Variants in ZBTB40 observed in about 807,000 individuals in gnomAD.
The protein encoded by ZBTB40 is zinc finger and BTB domain-containing protein 40.
Under a neutral mutation model 117.5 loss-of-function variants are expected in ZBTB40, and 60 were observed. The observed-to-expected ratio is 0.51, with a 90% CI of 0.41 to 0.63. The LOEUF is 0.63. Ranked by LOEUF, ZBTB40 falls within the 30% of genes least tolerant of loss-of-function variation. The probability of loss-of-function intolerance (pLI) is 0.00; values close to 1 mark genes in which losing one functional copy is unlikely to be tolerated. For synonymous variants in ZBTB40, 525 were observed against 577.1 expected, an observed-to-expected ratio of 0.91 and a Z score of 1.29; for missense variants, 1,287 against 1,498.5, an observed-to-expected ratio of 0.86 and a Z score of 2.33.
chr1:22,430,659 A>T (rs1439662507), intron 1 of ZBTB40, among the ~76,000 whole-genome samples: 5 of 147,908 alleles, frequency 3.4e-5, no homozygotes, highest in Admixed American at 6.8e-5. Flanking sequence ...TTTTGTAGAG[A>T]TAGGGTCTCA....
At position 22,527,034 on chromosome 1, in the gene ZBTB40, T is replaced by A. The variant is rs1052073462; in HGVS notation, c.*638T>A. Reference sequence around the variant, plus strand: ...CTCATTTCCATGCCTGATAACCCCTTGTCAGTTGTCAGCTCTTCCCAAAAC... The same window carrying A: ...CTCATTTCCATGCCTGATAACCCCTAGTCAGTTGTCAGCTCTTCCCAAAAC... On this transcript the variant is annotated 3_prime_UTR_variant, in exon 18 of 18. Coordinates refer to ENST00000375647, the MANE Select transcript of ZBTB40 (RefSeq NM_014870.4). The A allele has an allele frequency of 6.3e-6, 1 of 158,256 alleles. No individual in the cohort carries two copies. Among genetic ancestry groups the A allele is most frequent in the Non-Finnish European group, 1.4e-5 (1 of 71,426 alleles). The allele number at this position is 158,256 out of a possible 1,614,324, so 9.8% of individuals were successfully genotyped here.
chr1:22,522,314 T>C, intron 15 of ZBTB40, 63 bp from the exon 16 acceptor site: 3 of 1,549,842 alleles, frequency 1.9e-6, no homozygotes, highest in Non-Finnish European at 2.7e-6. Context: ...CCTGTTACTC[T>C]TCAGCCTTGG....
intron 1 of ZBTB40, among the ~76,000 whole-genome samples, chr1:22,443,115 C>T (rs577563668): frequency 6.6e-6 from 1 of 152,318 alleles, no homozygotes; most frequent in East Asian, 1.9e-4. Context: ...GTTACGTTCT[C>T]TCTCGAACAA....
At chr1:22,431,378 GTGTGTGTATATATA>G (rs1557468715) in intron 1 of ZBTB40, among the ~76,000 whole-genome samples, 4 of 17,324 alleles carry the variant, frequency 2.3e-4, no homozygotes, top group Non-Finnish European at 6.0e-4. Flanking sequence ...GTGTGTGTGT[GTGTGTGTATATATA>G]TATATATATA....
intron 1 of ZBTB40, among the ~76,000 whole-genome samples, chr1:22,458,048 A>T (rs1215001302): frequency 6.6e-6 from 1 of 152,198 alleles, no homozygotes; most frequent in East Asian, 1.9e-4. Context: ...TGGTGCCATG[A>T]TCTTCTCTTT....
intron 1 of ZBTB40, among the ~76,000 whole-genome samples, chr1:22,468,583 C>T (rs1393918005): frequency 2.1e-5 from 3 of 141,408 alleles, no homozygotes; most frequent in South Asian, 4.5e-4. Context: ...TCAAGTGATC[C>T]TCCTCCCTCA....
intron 1 of ZBTB40, among the ~76,000 whole-genome samples, chr1:22,469,681 T>A (rs1451552902): frequency 1.3e-5 from 2 of 152,110 alleles, no homozygotes; most frequent in African/African-American, 4.8e-5. Flanking sequence ...CTCAGCCTCC[T>A]GAGTAGCTAC....
rs1639691148 is a variant in ZBTB40 at position 22,526,786 on chromosome 1, G to A, written c.*390G>A. ...ACAGCGCTCAGTGGGCAGAATGGCAGTTAGATATGGGACTTGGCCCACAGT... is the reference window on the plus strand; with the variant it reads ...ACAGCGCTCAGTGGGCAGAATGGCAATTAGATATGGGACTTGGCCCACAGT... On this transcript the variant is annotated 3_prime_UTR_variant, in exon 18 of 18. Transcript: ENST00000375647. 1.6e-5 allele frequency: 5 copies of A among 316,084 alleles called. No individual in the cohort carries two copies. Among genetic ancestry groups the A allele is most frequent in the Middle Eastern group, 1.1e-3 (1 of 924 alleles). 19.6% of individuals were successfully genotyped at this position (316,084 alleles called of 1,614,324 possible).
intron 12 of ZBTB40, among the ~76,000 whole-genome samples, chr1:22,515,651 C>A (rs545624401): frequency 6.6e-6 from 1 of 152,156 alleles, no homozygotes; most frequent in Non-Finnish European, 1.5e-5. Flanking sequence ...AGGACCCTTG[C>A]GATTACATTG....
chr1:22,449,951 T>A (rs1394252915), upstream of ZBTB40, among the ~76,000 whole-genome samples: 2 of 152,084 alleles, frequency 1.3e-5, no homozygotes, highest in African/African-American at 4.8e-5. Context: ...TTTCTCTTTT[T>A]TTTTTTTTTG....
chr1:22,523,867 A>G (rs1373762479), intron 16 of ZBTB40, among the ~76,000 whole-genome samples: 12 of 152,186 alleles, frequency 7.9e-5, no homozygotes, highest in Admixed American at 7.9e-4. Flanking sequence ...AGATGTTAAA[A>G]TGTATTTCTT....
intron 12 of ZBTB40, among the ~76,000 whole-genome samples, chr1:22,514,244 A>T (rs1639318949): frequency 6.6e-6 from 1 of 152,202 alleles, no homozygotes; most frequent in Non-Finnish European, 1.5e-5. Flanking sequence ...TAAGGTAACC[A>T]TTGTTTGACG....
At chr1:22,445,903 T>C (rs1569747610) in intron 1 of ZBTB40, among the ~76,000 whole-genome samples, 1 of 144,064 alleles carries the variant, frequency 6.9e-6, no homozygotes, top group African/African-American at 2.6e-5. Context: ...CACAACAACA[T>C]ATGATTTAAA....
chr1:22,441,586 G>C (rs1640734003), intron 1 of ZBTB40, among the ~76,000 whole-genome samples: 1 of 146,038 alleles, frequency 6.8e-6, no homozygotes, highest in Admixed American at 7.1e-5. Context: ...GTGTTCAAGT[G>C]ATTCTCCTAC....
intron 1 of ZBTB40, among the ~76,000 whole-genome samples, chr1:22,458,385 A>G (rs1387356004): frequency 6.6e-6 from 1 of 152,052 alleles, no homozygotes; most frequent in East Asian, 1.9e-4. Flanking sequence ...AATTCACCTT[A>G]TATTGAGCAC....
chr1:22,479,488 C>A (rs1638230469), intron 1 of ZBTB40, among the ~76,000 whole-genome samples: 1 of 152,044 alleles, frequency 6.6e-6, no homozygotes, highest in Admixed American at 6.6e-5. Flanking sequence ...AACTGTTGCT[C>A]CATTTTCTTT....
chr1:22,520,818 T>C (rs1242525827), intron 14 of ZBTB40, among the ~76,000 whole-genome samples: 1 of 152,218 alleles, frequency 6.6e-6, no homozygotes, highest in East Asian at 1.9e-4. Flanking sequence ...TCTATAAGAT[T>C]TGGGTATAGA....
rs766705931 is a variant in ZBTB40, at chr1:22,501,581, A to G, written c.921A>G (p.Gln307=). The G allele has an allele frequency of 7.4e-6, 12 of 1,614,026 alleles. No homozygotes were observed. The highest frequency in any genetic ancestry group is 1.0e-5 in the Non-Finnish European group (12 of 1,180,022). The change falls in exon 4 of 18, where the codon CAA becomes CAG. Residue 307 remains glutamine, a synonymous_variant. Transcript: ENST00000375647. ...GKVREESLDV[Q]TVVSLLRLYQ... ...TAAGAGAGGAAAGCCTGGATGTTCA[A>G]ACTGTTGTGTCCCTGTTGAGGCTGT... is the stretch of plus-strand genomic sequence containing the variant.
At chr1:22,503,206 C>A (rs1306404013) in intron 5 of ZBTB40, among the ~76,000 whole-genome samples, 1 of 149,690 alleles carries the variant, frequency 6.7e-6, no homozygotes, top group African/African-American at 2.5e-5. Flanking sequence ...ACTATAATTT[C>A]TAAGAAGTGG....
Sources: gnomAD v4.1 joint callset for allele counts (sites outside exome capture counted in the v4.1 genomes callset) on GRCh38, gnomAD v4.1.1 for gene constraint, MANE v1.5 for transcripts, NCBI Gene and HGNC (gene_info 2026-07-23, HGNC 2026-07-21) for gene names.